The following INPP4B variants were observed in gnomAD, a reference collection of about 807,000 sequenced individuals.
The protein encoded by INPP4B is inositol polyphosphate 4-phosphatase type II.
Under a neutral mutation model 122.5 loss-of-function variants are expected in INPP4B, and 55 were observed. That is an observed-to-expected ratio of 0.45 (90% CI 0.36 to 0.56). The LOEUF is 0.56. INPP4B is among the 20% of genes least tolerant of loss of function. The probability of loss-of-function intolerance (pLI) is 0.00; values close to 1 mark genes in which losing one functional copy is unlikely to be tolerated. For missense variants in INPP4B, 1,000 were observed against 1,097.7 expected, an observed-to-expected ratio of 0.91 and a Z score of 1.26; for synonymous variants, 403 against 388.7, an observed-to-expected ratio of 1.04 and a Z score of -0.43.
intron 2 of INPP4B, among the ~76,000 whole-genome samples, chr4:142,548,960 A>G (rs980200683): frequency 6.6e-6 from 1 of 152,138 alleles, no homozygotes; most frequent in African/African-American, 2.4e-5. Context: ...GAGGCCCTCA[A>G]AAATGGGTAC....
chr4:142,188,355 C>T (rs989753025), intron 15 of INPP4B, among the ~76,000 whole-genome samples: 13 of 150,860 alleles, frequency 8.6e-5, no homozygotes, highest in Non-Finnish European at 1.5e-4. Flanking sequence ...GGCATGGTGG[C>T]GGGCACCTGT....
intron 1 of INPP4B, among the ~76,000 whole-genome samples, chr4:142,755,340 T>G (rs1770354004): frequency 6.6e-6 from 1 of 151,998 alleles, no homozygotes. Flanking sequence ...TTGCATTGAC[T>G]TCATATGAAC....
At chr4:142,519,736 T>C (rs895086900) in intron 2 of INPP4B, among the ~76,000 whole-genome samples, 1 of 152,170 alleles carries the variant, frequency 6.6e-6, no homozygotes, top group East Asian at 1.9e-4. Context: ...TCATTCCATC[T>C]GTCCTTTGTC....
intron 2 of INPP4B, among the ~76,000 whole-genome samples, chr4:142,692,477 G>A (rs1054821333): frequency 6.6e-6 from 1 of 152,170 alleles, no homozygotes; most frequent in Non-Finnish European, 1.5e-5. Context: ...TAGACGGGAG[G>A]ATCGCTTGAG....
At chr4:142,388,794 C>T (rs891705798) in intron 7 of INPP4B, among the ~76,000 whole-genome samples, 29 of 152,132 alleles carry the variant, frequency 1.9e-4, no homozygotes, top group African/African-American at 6.3e-4. Context: ...AAAAGAATTG[C>T]ACTATCTTCT....
At chr4:142,152,105 G>A (rs1194931405) in intron 17 of INPP4B, among the ~76,000 whole-genome samples, 26 of 102,486 alleles carry the variant, frequency 2.5e-4, no homozygotes, top group African/African-American at 1.1e-3. Context: ...ACGGAGTCTC[G>A]CTCTGTCCCC....
At chr4:142,739,603 T>C (rs1420518734) in intron 1 of INPP4B, among the ~76,000 whole-genome samples, 2 of 151,776 alleles carry the variant, frequency 1.3e-5, no homozygotes, top group African/African-American at 2.4e-5. Flanking sequence ...CCACAAAATG[T>C]AGAAAGACAG....
At chr4:142,322,870 G>C (rs1770618982) in intron 7 of INPP4B, among the ~76,000 whole-genome samples, 1 of 152,148 alleles carries the variant, frequency 6.6e-6, no homozygotes, top group African/African-American at 2.4e-5. Context: ...GAATGTCCAA[G>C]GGAAGGACCC....
chr4:142,500,194 A>G lies in INPP4B; in HGVS notation c.-190-37468T>C, dbSNP rs541413153. On this transcript the variant is annotated intron_variant, in intron 2 of 25. Coordinates refer to ENST00000262992, the MANE Select transcript of INPP4B (RefSeq NM_001101669.3). ...TTCTGAGGAACTTCACTTAAGCCCA[A>G]TAAACTGCTTTTGAGGATAAACTTG... Among the ~76,000 whole-genome samples the G allele has an allele frequency of 1.2e-4, 19 of 152,282 alleles. No individual in the cohort carries two copies. In the East Asian group the frequency reaches 2.3e-3, roughly 19 times the overall value.
chr4:142,201,982 T>C (rs1241056833), intron 14 of INPP4B, among the ~76,000 whole-genome samples: 1 of 152,030 alleles, frequency 6.6e-6, no homozygotes, highest in African/African-American at 2.4e-5. Flanking sequence ...AAAATCTAAG[T>C]GGGAATATCT....
chr4:142,474,315 GCAGGGTAAGTGA>G (rs2149705765), intron 2 of INPP4B: 1 of 152,356 alleles, frequency 6.6e-6, no homozygotes, highest in South Asian at 2.1e-4. Context: ...CATTCAGACA[GCAGGGTAAGTGA>G]CCCTGCCCTT....
At chr4:142,493,980 G>T (rs913411962) in intron 2 of INPP4B, among the ~76,000 whole-genome samples, 3 of 152,154 alleles carry the variant, frequency 2.0e-5, no homozygotes, top group African/African-American at 7.2e-5. Flanking sequence ...AATCATAGGG[G>T]TGGTTACTTC....
chr4:142,102,523 TGAGA>T (rs1784996724), intron 23 of INPP4B, among the ~76,000 whole-genome samples: 1 of 141,766 alleles, frequency 7.1e-6, no homozygotes, highest in South Asian at 2.3e-4. Context: ...GTGAGAGACG[TGAGA>T]GAAAGTGTTG....
intron 2 of INPP4B, among the ~76,000 whole-genome samples, chr4:142,562,603 G>A (rs958719228): frequency 3.3e-4 from 50 of 151,978 alleles, no homozygotes; most frequent in Middle Eastern, 3.2e-3. Context: ...ACATCCTATT[G>A]CTTTTTGAAA....
intron 17 of INPP4B, among the ~76,000 whole-genome samples, chr4:142,155,513 A>G (rs936599725): frequency 2.0e-5 from 3 of 152,150 alleles, no homozygotes; most frequent in Non-Finnish European, 4.4e-5. Context: ...TTATGGTAGT[A>G]TAAATAGCTC....
At chr4:142,632,091 G>A (rs1748096608) in intron 2 of INPP4B, among the ~76,000 whole-genome samples, 1 of 152,110 alleles carries the variant, frequency 6.6e-6, no homozygotes, top group African/African-American at 2.4e-5. Flanking sequence ...TATAATTTGT[G>A]TGACAACAAC....
At chr4:142,460,247 G>C (rs1328236696) in intron 3 of INPP4B, among the ~76,000 whole-genome samples, 1 of 152,172 alleles carries the variant, frequency 6.6e-6, no homozygotes, top group Non-Finnish European at 1.5e-5. Context: ...CTAGAAACAA[G>C]TAAAGCAGCT....
intron 1 of INPP4B, among the ~76,000 whole-genome samples, chr4:142,736,350 C>G (rs1369713400): frequency 6.6e-6 from 1 of 152,078 alleles, no homozygotes; most frequent in Non-Finnish European, 1.5e-5. Flanking sequence ...GTGTTCTAGT[C>G]TGTTATAATT....
At chr4:142,552,076 C>T (rs1209663228) in intron 2 of INPP4B, among the ~76,000 whole-genome samples, 1 of 152,078 alleles carries the variant, frequency 6.6e-6, no homozygotes, top group Admixed American at 6.6e-5. Flanking sequence ...GGGATTTCTA[C>T]CACAAAGTCA....
Sources: allele counts gnomAD v4.1 joint callset (sites outside exome capture counted in the v4.1 genomes callset), GRCh38; gene constraint gnomAD v4.1.1; transcripts MANE v1.5; gene names NCBI Gene and HGNC (gene_info 2026-07-23, HGNC 2026-07-21).